UNC13C: variants seen among roughly 807,000 people sequenced by gnomAD.
UNC13C encodes the protein protein unc-13 homolog C.
In UNC13C, 174 loss-of-function variants were observed where a neutral mutation model predicts 245.4. That is an observed-to-expected ratio of 0.71 (90% CI 0.63 to 0.80). The LOEUF (loss-of-function observed/expected upper bound fraction) is 0.80. Ranked by LOEUF, UNC13C falls within the 30% of genes least tolerant of loss-of-function variation. UNC13C has a pLI of 0.00. For synonymous variants in UNC13C, 992 were observed against 895.1 expected (o/e 1.11, Z -1.93); for missense variants, 2,829 against 2,602.9 (o/e 1.09, Z -1.89).
chr15:54,211,973 C>A (rs990719291), intron 4 of UNC13C, among the ~76,000 whole-genome samples: 1 of 152,006 alleles, frequency 6.6e-6, no homozygotes, highest in East Asian at 1.9e-4. Context: ...TTATTCACTC[C>A]CACGACCCAT....
chr15:53,981,840 A>G (rs1035187788), intron 1 of UNC13C, among the ~76,000 whole-genome samples: 1 of 152,110 alleles, frequency 6.6e-6, no homozygotes, highest in Admixed American at 6.6e-5. Flanking sequence ...GACACACTGA[A>G]TCGTTTCTCC....
At chr15:54,105,533 G>A (rs1277967911) in intron 2 of UNC13C, among the ~76,000 whole-genome samples, 2 of 152,140 alleles carry the variant, frequency 1.3e-5, no homozygotes, top group Admixed American at 1.3e-4. Context: ...AGAAATTCAT[G>A]TGTTTGGCCA....
chr15:54,054,707 C>T (rs1337995884), intron 2 of UNC13C, among the ~76,000 whole-genome samples: 3 of 152,172 alleles, frequency 2.0e-5, no homozygotes, highest in Non-Finnish European at 4.4e-5. Context: ...AGGCATATCA[C>T]AGTATCAATT....
chr15:54,070,043 G>A (rs926593297), intron 2 of UNC13C, among the ~76,000 whole-genome samples: 3 of 152,188 alleles, frequency 2.0e-5, no homozygotes, highest in Non-Finnish European at 4.4e-5. Flanking sequence ...AGGTCATAGA[G>A]CTTGAAGCAA....
At chr15:53,846,976 C>A in the UNC13C span, among the ~76,000 whole-genome samples, 1 of 152,016 alleles carries the variant, frequency 6.6e-6, no homozygotes, top group Non-Finnish European at 1.5e-5. Flanking sequence ...CTGCAGAGGT[C>A]AGCGCTGAGA....
intron 19 of UNC13C, among the ~76,000 whole-genome samples, chr15:54,431,451 G>A (rs2040871487): frequency 6.6e-6 from 1 of 151,384 alleles, no homozygotes; most frequent in Non-Finnish European, 1.5e-5. Flanking sequence ...ATCACATATT[G>A]TCAGTACATA....
chr15:54,501,584 G>A (rs757455727), intron 22 of UNC13C, among the ~76,000 whole-genome samples: 2 of 152,052 alleles, frequency 1.3e-5, no homozygotes, highest in South Asian at 2.1e-4. Context: ...AAAAGAAGCA[G>A]CCACTGTCTA....
chr15:54,593,769 T>A (rs1355601793), intron 30 of UNC13C, among the ~76,000 whole-genome samples: 1 of 152,218 alleles, frequency 6.6e-6, no homozygotes, highest in Non-Finnish European at 1.5e-5. Context: ...TGCACCAGGC[T>A]TTGCCTTTCT....
chr15:54,510,212 A>G (rs530845984), intron 23 of UNC13C, among the ~76,000 whole-genome samples: 2 of 152,310 alleles, frequency 1.3e-5, no homozygotes, highest in South Asian at 2.1e-4. Flanking sequence ...GTTTCTCATT[A>G]TAAGTCATTG....
At chr15:53,910,800 T>C in the UNC13C span, 2 of 146,438 alleles carry the variant, frequency 1.4e-5, no homozygotes, top group East Asian at 4.0e-4. Context: ...ATAAAATCAT[T>C]TTTCACCTGC....
At chr15:53,912,626 C>G in the UNC13C span, 1 of 152,172 alleles carries the variant, frequency 6.6e-6, no homozygotes, top group South Asian at 2.1e-4. Flanking sequence ...TCTGGACTTA[C>G]ACACCACAGC....
chr15:53,851,285 G>A, the UNC13C span, among the ~76,000 whole-genome samples: 2 of 151,988 alleles, frequency 1.3e-5, no homozygotes, highest in Non-Finnish European at 1.5e-5. Flanking sequence ...GCAGAGTACT[G>A]GACTTTGTTC....
chr15:54,560,956 C>T (rs967477470), intron 29 of UNC13C, among the ~76,000 whole-genome samples: 5 of 151,992 alleles, frequency 3.3e-5, no homozygotes, highest in East Asian at 3.9e-4. Flanking sequence ...ATTTTGGAGG[C>T]TTCTCTTTCT....
rs1219805920 is a variant in UNC13C at position 54,628,375 on chromosome 15, TATG to T, written c.*1265_*1267del. 2.0e-5 allele frequency: 3 copies of T among 152,156 alleles called. No homozygotes were observed. The highest frequency in any genetic ancestry group is 7.2e-5 in the African/African-American group (3 of 41,438). 9.4% of individuals were successfully genotyped at this position (152,156 alleles called of 1,614,324 possible). ...TACAGAAGCAGAAACAAGAGCCTGT[TATG>T]ATTGTGCTTTGTGAACAAGCTGATC... On this transcript the variant is annotated 3_prime_UTR_variant, in exon 33 of 33. Transcript: ENST00000260323.
At chr15:54,467,274 A>C (rs1001859409) in intron 19 of UNC13C, among the ~76,000 whole-genome samples, 1 of 151,794 alleles carries the variant, frequency 6.6e-6, no homozygotes. Flanking sequence ...TAGTTATTTG[A>C]TGAAACTAAT....
At chr15:54,626,351 T>A (rs941096215) in intron 32 of UNC13C, among the ~76,000 whole-genome samples, 1 of 152,156 alleles carries the variant, frequency 6.6e-6, no homozygotes, top group Non-Finnish European at 1.5e-5. Context: ...TAGTGCTTGA[T>A]GGGCTGTGCA....
chr15:54,268,229 T>A (rs1331754466), intron 10 of UNC13C, among the ~76,000 whole-genome samples: 1 of 152,120 alleles, frequency 6.6e-6, no homozygotes, highest in Non-Finnish European at 1.5e-5. Flanking sequence ...GCTTCTGTAA[T>A]GTCTAACCTG....
chr15:53,998,861 A>G (rs1297075178), intron 1 of UNC13C, among the ~76,000 whole-genome samples: 1 of 152,016 alleles, frequency 6.6e-6, no homozygotes, highest in African/African-American at 2.4e-5. Context: ...TACATAAGTG[A>G]TTATATGCTA....
At chr15:53,918,798 C>A in the UNC13C span, among the ~76,000 whole-genome samples, 1 of 152,334 alleles carries the variant, frequency 6.6e-6, no homozygotes, top group South Asian at 2.1e-4. Flanking sequence ...CTCTCTCCCC[C>A]ACACCATGGG....
Sources: allele counts gnomAD v4.1 joint callset (sites outside exome capture counted in the v4.1 genomes callset), GRCh38; gene constraint gnomAD v4.1.1; transcripts MANE v1.5; gene names NCBI Gene and HGNC (gene_info 2026-07-23, HGNC 2026-07-21).